CBFB: variants seen among roughly 807,000 people sequenced by gnomAD.
The protein encoded by CBFB is core-binding factor subunit beta, also known as CBF-beta.
A neutral mutation model predicts 30.4 loss-of-function variants in CBFB; 9 were observed. The ratio of observed to expected loss-of-function variants is 0.30; its 90% CI spans 0.18 to 0.52. The LOEUF is 0.52. Ranked by LOEUF, CBFB falls within the 20% of genes least tolerant of loss-of-function variation. The pLI is 0.97. For synonymous variants in CBFB, 94 were observed against 84.0 expected (o/e 1.12, Z -0.65); for missense variants, 170 against 244.0 (o/e 0.70, Z 2.02).
intron 4 of CBFB, among the ~76,000 whole-genome samples, chr16:67,076,557 C>T (rs1189937501): frequency 6.6e-6 from 1 of 152,006 alleles, no homozygotes; most frequent in African/African-American, 2.4e-5. Context: ...AATAGGAAAG[C>T]CATAAGTAGT....
chr16:67,086,896 T>C (rs964794469), intron 5 of CBFB, among the ~76,000 whole-genome samples: 9 of 152,096 alleles, frequency 5.9e-5, no homozygotes, highest in African/African-American at 1.9e-4. Context: ...ACAGCAGCAG[T>C]GTAGAGGAAG....
chr16:67,078,485 G>A (rs1465239703), intron 4 of CBFB, among the ~76,000 whole-genome samples: 1 of 152,118 alleles, frequency 6.6e-6, no homozygotes, highest in African/African-American at 2.4e-5. Context: ...GGTTGAGGCT[G>A]CAGTGAGCTA....
At chr16:67,066,419 G>A (rs1305353576) in intron 3 of CBFB, among the ~76,000 whole-genome samples, 2 of 85,102 alleles carry the variant, frequency 2.4e-5, no homozygotes, top group African/African-American at 1.5e-4. Flanking sequence ...AATTAGCCAG[G>A]CATGATGGTG....
At chr16:67,039,492 A>G (rs955687975) in intron 3 of CBFB, among the ~76,000 whole-genome samples, 4 of 152,214 alleles carry the variant, frequency 2.6e-5, no homozygotes, top group African/African-American at 7.2e-5. Context: ...AAGCAATTGC[A>G]CTGCAATGTT....
chr16:67,082,267 G>A lies in CBFB; in HGVS notation c.454G>A (p.Glu152Lys), dbSNP rs761036715. The A allele has an allele frequency of 6.2e-7, 1 of 1,611,964 alleles. No individual in the cohort carries two copies. Among genetic ancestry groups the A allele is most frequent in the Non-Finnish European group, 8.5e-7 (1 of 1,178,434 alleles). ...AFEEARRRTR[E>K]FEDRDRSHRE... Reference sequence around the variant, plus strand: ...TGAAGAGGCTCGGAGAAGGACACGCGAATTTGAAGATAGAGACAGGTCTCA... The same window carrying A: ...TGAAGAGGCTCGGAGAAGGACACGCAAATTTGAAGATAGAGACAGGTCTCA... The change falls in exon 5 of 6, where the codon GAA (glutamate) becomes AAA (lysine). Residue 152 changes from glutamate to lysine, a missense_variant. Coordinates refer to ENST00000412916, the MANE Select transcript of CBFB (RefSeq NM_022845.3).
chr16:67,049,866 T>C (rs1966707759), intron 3 of CBFB, among the ~76,000 whole-genome samples: 1 of 152,134 alleles, frequency 6.6e-6, no homozygotes, highest in Non-Finnish European at 1.5e-5. Context: ...TACTGCACTG[T>C]ATAGAAGAAC....
At chr16:67,095,384 C>G (rs2031006) in intron 5 of CBFB, among the ~76,000 whole-genome samples, 39,328 of 151,826 alleles carry the variant, frequency 0.26, 11,094 homozygotes, top group African/African-American at 0.71. Context: ...AGGTGTGGTG[C>G]TGCGTGCCTG....
At chr16:67,060,999 T>TA (rs1960896596) in intron 3 of CBFB, among the ~76,000 whole-genome samples, 1 of 152,252 alleles carries the variant, frequency 6.6e-6, no homozygotes, top group Admixed American at 6.5e-5. Flanking sequence ...GTATGGGTGA[T>TA]ACCACAGTTG....
intron 3 of CBFB, among the ~76,000 whole-genome samples, chr16:67,049,844 T>A (rs1035301558): frequency 1.3e-5 from 2 of 152,130 alleles, no homozygotes; most frequent in Non-Finnish European, 2.9e-5. Flanking sequence ...ACATTATCAC[T>A]AATTCTCCTA....
intron 3 of CBFB, among the ~76,000 whole-genome samples, chr16:67,043,259 A>G (rs962056125): frequency 1.1e-4 from 16 of 152,192 alleles, no homozygotes; most frequent in African/African-American, 3.9e-4. Flanking sequence ...AATTTAGCGA[A>G]CTCAGAAAAA....
intron 5 of CBFB, 62 bp from the exon 6 acceptor site, chr16:67,098,648 A>T (rs1379943972): frequency 1.1e-6 from 1 of 943,296 alleles, no homozygotes; most frequent in East Asian, 2.4e-5. Context: ...TGTATTTTGT[A>T]TATCTAGTAT....
At chr16:67,097,463 T>C (rs1030499227) in intron 5 of CBFB, among the ~76,000 whole-genome samples, 3 of 150,576 alleles carry the variant, frequency 2.0e-5, no homozygotes, top group African/African-American at 7.4e-5. Flanking sequence ...GAGAATTGCT[T>C]GAACCCGGGA....
intron 4 of CBFB, among the ~76,000 whole-genome samples, chr16:67,070,197 C>A (rs1254008496): frequency 1.3e-5 from 2 of 152,100 alleles, no homozygotes; most frequent in Non-Finnish European, 2.9e-5. Flanking sequence ...TTAAAACTTT[C>A]TAGTGAAAAG....
intron 3 of CBFB, among the ~76,000 whole-genome samples, chr16:67,040,257 C>A (rs1023808153): frequency 7.2e-5 from 11 of 152,194 alleles, no homozygotes; most frequent in African/African-American, 2.4e-4. Flanking sequence ...TAATTATTTG[C>A]CTCTGTTCCT....
At chr16:67,089,337 T>C (rs576027307) in intron 5 of CBFB, among the ~76,000 whole-genome samples, 1 of 152,320 alleles carries the variant, frequency 6.6e-6, no homozygotes, top group African/African-American at 2.4e-5. Flanking sequence ...TAGTAGAATA[T>C]CTAAGAAACT....
intron 4 of CBFB, among the ~76,000 whole-genome samples, chr16:67,077,537 T>C (rs1478882065): frequency 1.3e-5 from 2 of 152,242 alleles, no homozygotes; most frequent in Non-Finnish European, 2.9e-5. Flanking sequence ...TAAATACTGA[T>C]GCTTCTTCAG....
chr16:67,066,403 A>AAAAAATAAAT (rs1555537415), intron 3 of CBFB, among the ~76,000 whole-genome samples: 1 of 149,572 alleles, frequency 6.7e-6, no homozygotes, highest in African/African-American at 2.5e-5. Context: ...CAAAAAAAAA[A>AAAAAATAAAT]AAAAAAATTA....
chr16:67,078,853 A>G (rs932874495), intron 4 of CBFB, among the ~76,000 whole-genome samples: 1 of 152,050 alleles, frequency 6.6e-6, no homozygotes, highest in African/African-American at 2.4e-5. Flanking sequence ...ACGGGGTTTC[A>G]CCATGTTGGC....
chr16:67,093,197 C>T (rs1961947046), intron 5 of CBFB, among the ~76,000 whole-genome samples: 1 of 152,170 alleles, frequency 6.6e-6, no homozygotes, highest in Non-Finnish European at 1.5e-5. Flanking sequence ...TGTTCCACCT[C>T]AGCCTCCCGA....
Sources: gnomAD v4.1 joint callset for allele counts (sites outside exome capture counted in the v4.1 genomes callset) on GRCh38, gnomAD v4.1.1 for gene constraint, MANE v1.5 for transcripts, NCBI Gene and HGNC (gene_info 2026-07-23, HGNC 2026-07-21) for gene names.